Variants in AREL1 observed in about 807,000 individuals in gnomAD.
AREL1 encodes apoptosis-resistant E3 ubiquitin protein ligase 1.
AREL1 carries 62 observed loss-of-function variants against 99.0 expected under a neutral mutation model. The ratio of observed to expected loss-of-function variants is 0.63; its 90% confidence interval spans 0.51 to 0.77. The LOEUF (loss-of-function observed/expected upper bound fraction) is 0.77. AREL1 is among the 30% of genes least tolerant of loss of function. AREL1 has a pLI of 0.00. For missense variants in AREL1, 879 were observed against 1,027.6 expected (o/e 0.86, Z 1.98); for synonymous variants, 380 against 376.5 (o/e 1.01, Z -0.11).
intron 3 of AREL1, 124 bp downstream of exon 3, chr14:74,685,476 A>G (rs1303075512): frequency 1.7e-6 from 2 of 1,158,812 alleles, no homozygotes; most frequent in Non-Finnish European, 2.5e-6. Context: ...GTGAAGGTAC[A>G]TTCTGGCACG....
chr14:74,684,831 T>A, intron 3 of AREL1, 151 bp from the exon 4 acceptor site: 1 of 678,188 alleles, frequency 1.5e-6, no homozygotes, highest in Non-Finnish European at 2.5e-6. Context: ...ACTACCTCTG[T>A]AGATAAGAAA....
intron 2 of AREL1, among the ~76,000 whole-genome samples, chr14:74,690,596 T>G (rs916821387): frequency 6.6e-6 from 1 of 152,214 alleles, no homozygotes; most frequent in African/African-American, 2.4e-5. Flanking sequence ...GCTCTACTTT[T>G]TGCTATTCAT....
chr14:74,707,959 GAAA>G (rs1186322099), intron 1 of AREL1, among the ~76,000 whole-genome samples: 2 of 57,642 alleles, frequency 3.5e-5, no homozygotes, highest in Non-Finnish European at 3.5e-5. Flanking sequence ...CTTCGCCTCA[GAAA>G]AAAAAAAAAA....
intron 1 of AREL1, among the ~76,000 whole-genome samples, chr14:74,704,261 G>C (rs530277467): frequency 6.6e-6 from 1 of 152,262 alleles, no homozygotes; most frequent in South Asian, 2.1e-4. Context: ...AGTTAATTTA[G>C]AAAGTTTATT....
At chr14:74,710,112 C>T (rs1030623339) in intron 1 of AREL1, among the ~76,000 whole-genome samples, 4 of 152,204 alleles carry the variant, frequency 2.6e-5, no homozygotes, top group Middle Eastern at 3.2e-3. Flanking sequence ...ATCAACACTA[C>T]CTCCCAGCTT....
chr14:74,681,176 G>A (rs577215226), intron 5 of AREL1, among the ~76,000 whole-genome samples: 1 of 152,056 alleles, frequency 6.6e-6, no homozygotes, highest in Admixed American at 6.6e-5. Flanking sequence ...ACAGAGCAAG[G>A]CCCTGTCTCA....
chr14:74,710,245 G>A (rs1206866855), intron 1 of AREL1, among the ~76,000 whole-genome samples: 1 of 152,146 alleles, frequency 6.6e-6, no homozygotes, highest in African/African-American at 2.4e-5. Context: ...ATTTTTCTAA[G>A]TATGTTCTTA....
rs546774095 is a variant in AREL1 at position 74,665,270 on chromosome 14, CTTTT to C, written c.2104-349_2104-346del. On this transcript the variant is annotated intron_variant, in intron 17 of 19. Transcript: ENST00000356357. ...AATTGCTCAGGTATTTCTTTCTTTT[CTTTT>C]TTTTTTTTTTTTTGAGACGGAGTCT... 2.3e-3 allele frequency among the ~76,000 whole-genome samples: 316 copies of C among 136,362 alleles called. 2 individuals carry two copies. Among genetic ancestry groups the C allele is most frequent in the African/African-American group, 7.8e-3 (292 of 37,498 alleles). The allele number at this position is 136,362 out of a possible 152,430, so 89.5% of individuals were successfully genotyped here.
intron 2 of AREL1, among the ~76,000 whole-genome samples, chr14:74,686,560 A>G (rs1427157509): frequency 6.6e-6 from 1 of 152,242 alleles, no homozygotes; most frequent in East Asian, 1.9e-4. Flanking sequence ...TAAGGCTGTC[A>G]ATGTTATCTT....
intron 2 of AREL1, among the ~76,000 whole-genome samples, chr14:74,689,003 AT>A (rs2089809789): frequency 6.7e-6 from 1 of 150,226 alleles, no homozygotes; most frequent in Non-Finnish European, 1.5e-5. Context: ...CGCCAGGCTA[AT>A]TTTTTGTATT....
chr14:74,672,268 A>G (rs1177010920), intron 11 of AREL1, among the ~76,000 whole-genome samples: 1 of 152,234 alleles, frequency 6.6e-6, no homozygotes, highest in East Asian at 1.9e-4. Flanking sequence ...TTCCCTCGAT[A>G]ACATACCTCC....
intron 1 of AREL1, among the ~76,000 whole-genome samples, chr14:74,706,622 A>G (rs1046946850): frequency 6.6e-6 from 1 of 152,222 alleles, no homozygotes; most frequent in Non-Finnish European, 1.5e-5. Context: ...TTTACCAAAG[A>G]AAGGTCTATT....
Position 74,663,824 on chromosome 14 carries a change from T to C in AREL1, c.2370-2A>G. ...GTAGGGAGGCACAGCTGGTTAAAAC[T>C]GGAAGGGCAAGGGAGAAGTGATTAA... On this transcript the variant is annotated splice_acceptor_variant, in intron 19 of 19. Transcript: ENST00000356357. LOFTEE classifies it high-confidence loss of function. The C allele has an allele frequency of 1.9e-6, 3 of 1,614,096 alleles. No individual in the cohort carries two copies. Among genetic ancestry groups the C allele is most frequent in the Non-Finnish European group, 2.5e-6 (3 of 1,180,008 alleles).
intron 5 of AREL1, among the ~76,000 whole-genome samples, chr14:74,679,873 C>G (rs2089589491): frequency 1.3e-5 from 2 of 151,628 alleles, no homozygotes; most frequent in South Asian, 2.1e-4. Flanking sequence ...TAATAATAAT[C>G]CCATTAGATA....
At chr14:74,689,628 A>C in intron 2 of AREL1, among the ~76,000 whole-genome samples, 1 of 98,702 alleles carries the variant, frequency 1.0e-5, no homozygotes, top group African/African-American at 4.1e-5. Flanking sequence ...ACGGAGTTTC[A>C]CTCTTGTTGC....
Position 74,662,212 on chromosome 14 carries a change from T to C in AREL1, c.*1508A>G, listed in dbSNP as rs80043099. 21 of 192,190 alleles carry C rather than the reference T, an allele frequency of 1.1e-4. No individual in the cohort carries two copies. Among genetic ancestry groups the C allele is most frequent in the Non-Finnish European group, 2.1e-4 (20 of 94,462 alleles). The allele number at this position is 192,190 out of a possible 1,614,324, so 11.9% of individuals were successfully genotyped here. A position where few individuals can be genotyped will look rare whatever the true frequency, so the allele number is the denominator to read the frequency against. ...AAAGACTGAGGTCAGGCAGGAACTG[T>C]AGCAGCTCAGGAGGGCTTGTTCCTC... is the stretch of plus-strand genomic sequence containing the variant. On this transcript the variant is annotated 3_prime_UTR_variant, in exon 20 of 20. Coordinates refer to ENST00000356357, the MANE Select transcript of AREL1 (RefSeq NM_001039479.2).
Position 74,671,423 on chromosome 14 carries a change from AAAC to A in AREL1, c.1480_1482del (p.Val494del). ...CAAAACTGACCTTCTTCATCCTGGAAAACAACCTCAAAGTTCTTGCTCCAATCT... is the reference window on the plus strand; with the variant it reads ...CAAAACTGACCTTCTTCATCCTGGAAAACCTCAAAGTTCTTGCTCCAATCT... On this transcript the variant is annotated inframe_deletion, in exon 12 of 20. Transcript: ENST00000356357. 1 of 1,587,114 alleles carries A rather than the reference AAAC, an allele frequency of 6.3e-7. No homozygotes were observed. Among genetic ancestry groups the A allele is most frequent in the Non-Finnish European group, 8.6e-7 (1 of 1,168,686 alleles).
rs150086102 is a variant in AREL1, at chr14:74,712,388, T to C, written c.-334+545A>G. Among the ~76,000 whole-genome samples, 142 of 152,248 alleles carry C rather than the reference T, an allele frequency of 9.3e-4. No homozygotes were observed. In the East Asian group the frequency reaches 0.023, roughly 25 times the overall value. On this transcript the variant is annotated intron_variant, in intron 1 of 19. Transcript: ENST00000356357. ...CATTTTTTAAAGAATTGTTCCTGGC[T>C]TTCCACAAACTTTCAAGAAATAAGT...
chr14:74,685,827 A>C (rs1484304133), intron 2 of AREL1, among the ~76,000 whole-genome samples, 167 bp from the exon 3 acceptor site: 1 of 152,258 alleles, frequency 6.6e-6, no homozygotes, highest in African/African-American at 2.4e-5. Flanking sequence ...AATATATTTC[A>C]GAGAAACAAA....
Sources: gnomAD v4.1 joint callset for allele counts (sites outside exome capture counted in the v4.1 genomes callset) on GRCh38, gnomAD v4.1.1 for gene constraint, MANE v1.5 for transcripts, NCBI Gene and HGNC (gene_info 2026-07-23, HGNC 2026-07-21) for gene names.